The following ANKS1B variants were observed in gnomAD, a reference collection of about 807,000 sequenced individuals.
ANKS1B encodes ankyrin repeat and sterile alpha motif domain-containing protein 1B.
ANKS1B carries 36 observed loss-of-function variants against 148.3 expected under a neutral mutation model. The ratio of observed to expected loss-of-function variants is 0.24; its 90% CI spans 0.19 to 0.32. ANKS1B has a LOEUF of 0.32. Ranked by LOEUF, ANKS1B falls within the 10% of genes least tolerant of loss-of-function variation. The pLI is 1.00. For missense variants in ANKS1B, 1,157 were observed against 1,542.6 expected (o/e 0.75, Z 4.19); for synonymous variants, 542 against 560.8 (o/e 0.97, Z 0.47).
chr12:98,856,273 T>C (rs1443252990), intron 17 of ANKS1B, among the ~76,000 whole-genome samples: 1 of 152,176 alleles, frequency 6.6e-6, no homozygotes, highest in Non-Finnish European at 1.5e-5. Context: ...ATATAAGCCA[T>C]ACACTCACTA....
intron 15 of ANKS1B, among the ~76,000 whole-genome samples, chr12:99,108,147 G>T (rs1001566328): frequency 1.3e-5 from 2 of 152,190 alleles, no homozygotes; most frequent in African/African-American, 4.8e-5. Context: ...TCCTACTCCA[G>T]TCACTCTTTA....
chr12:99,493,020 AT>A (rs1331768784), intron 10 of ANKS1B, among the ~76,000 whole-genome samples: 3 of 152,144 alleles, frequency 2.0e-5, no homozygotes, highest in South Asian at 2.1e-4. Flanking sequence ...TTCACGTAGT[AT>A]TGGAAGTCCT....
chr12:99,823,142 G>GCAAA (rs2082711243), intron 2 of ANKS1B, among the ~76,000 whole-genome samples: 1 of 151,808 alleles, frequency 6.6e-6, no homozygotes, highest in South Asian at 2.1e-4. Context: ...GGGATTATTT[G>GCAAA]GTTTTTGCTT....
At chr12:99,789,071 G>A (rs1158124759) in intron 4 of ANKS1B, among the ~76,000 whole-genome samples, 1 of 152,144 alleles carries the variant, frequency 6.6e-6, no homozygotes, top group Non-Finnish European at 1.5e-5. Context: ...ACAGTGCTGA[G>A]CTGGCTTCAG....
intron 1 of ANKS1B, among the ~76,000 whole-genome samples, chr12:99,906,409 G>C (rs909950667): frequency 2.6e-5 from 4 of 152,206 alleles, no homozygotes; most frequent in Non-Finnish European, 5.9e-5. Flanking sequence ...TGCACAATGA[G>C]AAGTCTATGC....
At chr12:99,777,454 C>T (rs989705667) in intron 6 of ANKS1B, among the ~76,000 whole-genome samples, 2 of 152,202 alleles carry the variant, frequency 1.3e-5, no homozygotes, top group Non-Finnish European at 2.9e-5. Flanking sequence ...CTTATATAAA[C>T]CAATGCAGTA....
At chr12:99,149,111 T>C (rs2153814587) in intron 15 of ANKS1B, among the ~76,000 whole-genome samples, 1 of 152,210 alleles carries the variant, frequency 6.6e-6, no homozygotes, top group African/African-American at 2.4e-5. Context: ...CAATTAATTT[T>C]TCTACTTCAC....
intron 9 of ANKS1B, among the ~76,000 whole-genome samples, chr12:99,646,220 A>G (rs1043234992): frequency 1.3e-5 from 2 of 152,208 alleles, no homozygotes; most frequent in Non-Finnish European, 2.9e-5. Flanking sequence ...TAAGATATAA[A>G]GACTTTAGGA....
At chr12:99,558,293 C>T (rs912164073) in intron 9 of ANKS1B, among the ~76,000 whole-genome samples, 9 of 152,110 alleles carry the variant, frequency 5.9e-5, no homozygotes, top group Admixed American at 2.0e-4. Context: ...CACATCCACG[C>T]CAGCAGCAGT....
intron 9 of ANKS1B, among the ~76,000 whole-genome samples, chr12:99,525,114 T>C (rs1436572933): frequency 6.6e-6 from 1 of 151,976 alleles, no homozygotes; most frequent in Non-Finnish European, 1.5e-5. Flanking sequence ...TGTTGTTTTT[T>C]TATGCCACTA....
At chr12:99,730,262 A>G (rs529978049) in intron 8 of ANKS1B, among the ~76,000 whole-genome samples, 1 of 152,170 alleles carries the variant, frequency 6.6e-6, no homozygotes, top group South Asian at 2.1e-4. Flanking sequence ...GGCTCCCACA[A>G]GCTGTCTCTT....
At chr12:99,223,883 C>T (rs2085486576) in intron 14 of ANKS1B, among the ~76,000 whole-genome samples, 1 of 152,150 alleles carries the variant, frequency 6.6e-6, no homozygotes, top group African/African-American at 2.4e-5. Flanking sequence ...TGAACTATAG[C>T]CAAGTGTGCT....
At chr12:99,239,636 T>C (rs1006387824) in intron 14 of ANKS1B, among the ~76,000 whole-genome samples, 5 of 151,830 alleles carry the variant, frequency 3.3e-5, no homozygotes, top group Admixed American at 2.0e-4. Context: ...AAGGTTGAAA[T>C]GAAGGAAAAA....
intron 12 of ANKS1B, among the ~76,000 whole-genome samples, chr12:99,397,565 G>T (rs1238176653): frequency 6.6e-6 from 1 of 152,074 alleles, no homozygotes; most frequent in East Asian, 1.9e-4. Flanking sequence ...TAGAAAAATG[G>T]TTAAAAACAT....
intron 12 of ANKS1B, among the ~76,000 whole-genome samples, chr12:99,322,555 A>T (rs2085493332): frequency 6.6e-6 from 1 of 152,086 alleles, no homozygotes; most frequent in African/African-American, 2.4e-5. Context: ...ACAAAACAAA[A>T]CAAAAAACAA....
chr12:99,228,514 A>T (rs1347103867), intron 14 of ANKS1B, among the ~76,000 whole-genome samples: 5 of 152,094 alleles, frequency 3.3e-5, no homozygotes, highest in Admixed American at 6.6e-5. Flanking sequence ...AACATTGAAC[A>T]TTTACAAGAA....
chr12:99,845,741 G>A (rs192955305), intron 1 of ANKS1B, among the ~76,000 whole-genome samples: 11 of 152,206 alleles, frequency 7.2e-5, no homozygotes, highest in East Asian at 1.9e-4. Flanking sequence ...CTCATAGAAC[G>A]AGGTAGGGAG....
intron 11 of ANKS1B, among the ~76,000 whole-genome samples, chr12:99,414,191 T>C (rs1468569086): frequency 6.6e-6 from 1 of 152,160 alleles, no homozygotes; most frequent in African/African-American, 2.4e-5. Context: ...TTCAACCGTA[T>C]TACCTGCAAA....
At chr12:98,851,123 T>C (rs2099522718) in intron 17 of ANKS1B, among the ~76,000 whole-genome samples, 1 of 152,210 alleles carries the variant, frequency 6.6e-6, no homozygotes, top group African/African-American at 2.4e-5. Context: ...GTAGTACACA[T>C]TCATCCATCC....
Sources: allele counts gnomAD v4.1 joint callset (sites outside exome capture counted in the v4.1 genomes callset), GRCh38; gene constraint gnomAD v4.1.1; transcripts MANE v1.5; gene names NCBI Gene and HGNC (gene_info 2026-07-23, HGNC 2026-07-21).